Variants in PABPN1L observed in about 807,000 individuals in gnomAD.
PABPN1L encodes the protein embryonic polyadenylate-binding protein 2.
PABPN1L carries 45 observed loss-of-function variants against 34.0 expected under a neutral mutation model. The observed-to-expected ratio is 1.32, with a 90% CI of 1.04 to 1.70. The LOEUF is 1.70. Ranked by LOEUF, PABPN1L falls within the 40% of genes most tolerant of loss-of-function variation. The pLI is 0.00. For missense variants in PABPN1L, 459 were observed against 367.8 expected (o/e 1.25, Z -2.03); for synonymous variants, 182 against 152.1 (o/e 1.20, Z -1.45).
chr16:88,866,145 T>G (rs1968586872), intron 1 of PABPN1L, among the ~76,000 whole-genome samples: 1 of 152,180 alleles, frequency 6.6e-6, no homozygotes, highest in Non-Finnish European at 1.5e-5. Context: ...TCAAGGGCCC[T>G]TCCCCAGGCG....
upstream of PABPN1L, among the ~76,000 whole-genome samples, chr16:88,867,034 G>A (rs1968619477): frequency 6.6e-6 from 1 of 152,204 alleles, no homozygotes; most frequent in African/African-American, 2.4e-5. Flanking sequence ...GCAGGCTGGA[G>A]AGGTGGCTTC....
chr16:88,867,508 G>T (rs1042182588), upstream of PABPN1L, among the ~76,000 whole-genome samples: 17 of 152,330 alleles, frequency 1.1e-4, no homozygotes, highest in Non-Finnish European at 2.4e-4. Flanking sequence ...TGGGATTACA[G>T]GCGTGAGCAC....
exon 1 of PABPN1L, chr16:88,866,524 T>C (rs1968602275): frequency 1.3e-6 from 2 of 1,551,104 alleles, no homozygotes; most frequent in South Asian, 2.4e-5. Context: ...CCCCCAGCCC[T>C]GGGCCTCAGG....
chr16:88,867,609 C>T (rs1025001179), upstream of PABPN1L, among the ~76,000 whole-genome samples: 5 of 151,332 alleles, frequency 3.3e-5, no homozygotes, highest in Admixed American at 2.6e-4. Flanking sequence ...TGGGGAGTGA[C>T]GGCGTGAGTT....
At position 88,864,144 on chromosome 16, in the gene PABPN1L, C is replaced by G. The variant is rs1968520966; in HGVS notation, c.797+93G>C. 4.2e-6 allele frequency: 6 copies of G among 1,427,764 alleles called. No individual in the cohort carries two copies. The South Asian group carries it at 8.3e-5, about 20-fold the overall frequency. The allele number at this position is 1,427,764 out of a possible 1,614,324, so 88.4% of individuals were successfully genotyped here. On this transcript the variant is annotated intron_variant, in intron 6 of 6. Coordinates refer to ENST00000419291, the Ensembl canonical transcript of PABPN1L. ...GCCCCGCCAGGTACATTCCTGCAGCCCCATGAGGAACGAGCTCAGGGACCC... is the reference window on the plus strand; with the variant it reads ...GCCCCGCCAGGTACATTCCTGCAGCGCCATGAGGAACGAGCTCAGGGACCC...
At chr16:88,868,692 A>G (rs1968645877), upstream of PABPN1L, among the ~76,000 whole-genome samples, 1 of 151,874 alleles carries the variant, frequency 6.6e-6, no homozygotes, top group Admixed American at 6.6e-5. Flanking sequence ...ACAGGAAGGA[A>G]AGAAAAGGGA....
rs373849898 is a variant in PABPN1L at position 88,865,875 on chromosome 16, C to T, written c.322G>A (p.Gly108Arg). 5 of 1,609,946 alleles carry T rather than the reference C, an allele frequency of 3.1e-6. No homozygotes were observed. The highest frequency in any genetic ancestry group is 3.4e-6 in the Non-Finnish European group (4 of 1,179,396). ...TCTTCCTCGGCCTGTTGCTGCACTCCTGGAGGCCGTGGCGTCCCCTCGGCC... is the reference window on the plus strand; with the variant it reads ...TCTTCCTCGGCCTGTTGCTGCACTCTTGGAGGCCGTGGCGTCCCCTCGGCC... Residue 108 changes from glycine (G) to arginine (R), a missense_variant, in exon 2 of 7, where the codon GGA becomes AGA. Transcript: ENST00000419291.
intron 3 of PABPN1L, 40 bp downstream of exon 3, chr16:88,865,523 C>G (rs531895740): frequency 3.1e-6 from 5 of 1,591,196 alleles, no homozygotes; most frequent in Non-Finnish European, 4.3e-6. Flanking sequence ...GAGATGGGGC[C>G]CCATTCGCTG....
chr16:88,869,867 G>A (rs577894662), upstream of PABPN1L, among the ~76,000 whole-genome samples: 804 of 152,336 alleles, frequency 5.3e-3, 5 homozygotes, highest in Middle Eastern at 0.024. Context: ...AGACGGCTCC[G>A]ACCCTGGCCT....
chr16:88,869,057 C>A (rs2143021402), upstream of PABPN1L, among the ~76,000 whole-genome samples: 1 of 152,158 alleles, frequency 6.6e-6, no homozygotes, highest in East Asian at 1.9e-4. Context: ...GCACAGGCTT[C>A]TTCATCTTCG....
chr16:88,867,650 C>T (rs563429017), upstream of PABPN1L, among the ~76,000 whole-genome samples: 50 of 152,092 alleles, frequency 3.3e-4, no homozygotes, highest in African/African-American at 1.0e-3. Context: ...TGGGGAGTGA[C>T]GGCGTGAGTT....
chr16:88,865,504 C>A lies in PABPN1L; in HGVS notation c.459+59G>T, dbSNP rs1334287367. 3.2e-6 allele frequency: 5 copies of A among 1,571,926 alleles called. No individual in the cohort carries two copies. The African/African-American group carries it at 5.4e-5, about 17-fold the overall frequency. ...CCTGGCCCATGGCCGGGCGCCAGACCCTCTGGTAGAGATGGGGCCCCATTC... is the reference window on the plus strand; with the variant it reads ...CCTGGCCCATGGCCGGGCGCCAGACACTCTGGTAGAGATGGGGCCCCATTC... On this transcript the variant is annotated intron_variant, in intron 3 of 6. Coordinates refer to ENST00000419291, the Ensembl canonical transcript of PABPN1L.
At position 88,865,914 on chromosome 16, in the gene PABPN1L, A is replaced by C. The variant is rs374896419; in HGVS notation, c.283T>G (p.Cys95Gly). The C allele has an allele frequency of 3.9e-5, 62 of 1,608,468 alleles. 1 individual carries two copies. The South Asian group carries it at 6.7e-4, about 17-fold the overall frequency. The change falls in exon 2 of 7, where the codon TGT (cysteine) becomes GGT (glycine). Residue 95 changes from cysteine to glycine, a missense_variant. By Grantham distance (159) the Cys-to-Gly change is radical (BLOSUM62 -3). Transcript: ENST00000419291. ...GTCCCCTCGGCCTGCTCCATGGCAC[A>C]CACCTTCATCTTGATGGCCTCCAGC...
intron 5 of PABPN1L, 85 bp from the exon 6 acceptor site, chr16:88,864,464 C>A: frequency 6.8e-7 from 1 of 1,463,096 alleles, no homozygotes; most frequent in South Asian, 1.4e-5. Flanking sequence ...CACCCCGGAG[C>A]ATGGGGTCCT....
chr16:88,863,933 G>A (rs2143019256), intron 6 of PABPN1L, 138 bp from the exon 7 acceptor site: 1 of 946,270 alleles, frequency 1.1e-6, no homozygotes, highest in East Asian at 2.6e-5. Flanking sequence ...CCTTTCTGGT[G>A]ACTCCCAGCT....
exon 3 of PABPN1L, chr16:88,865,572 G>A (rs754052600): frequency 5.6e-6 from 9 of 1,611,612 alleles, no homozygotes; most frequent in South Asian, 4.4e-5. Flanking sequence ...CGTTGCCCAC[G>A]TAGACGGATC....
exon 7 of PABPN1L, chr16:88,863,748 T>TC (rs1250823106): frequency 6.5e-7 from 1 of 1,535,976 alleles, no homozygotes; most frequent in Middle Eastern, 1.7e-4. Flanking sequence ...CAAAATCGGG[T>TC]CTTCCCTTTA....
At chr16:88,867,874 C>A (rs912325216), upstream of PABPN1L, among the ~76,000 whole-genome samples, 6 of 152,212 alleles carry the variant, frequency 3.9e-5, no homozygotes, top group African/African-American at 1.4e-4. Context: ...ATGGCTCTTA[C>A]CCCTGCCATT....
Position 88,866,373 on chromosome 16 carries a change from A to C in PABPN1L, c.234T>G (p.Ala78=), listed in dbSNP as rs377509462. ...TTACCTGGTCAGGCAATGGGCACTC[A>C]GCCAGGTTCTCTTGCTCCAGCAGAG... The change falls in exon 1 of 7, where the codon GCT becomes GCG. Residue 78 remains alanine (A), a synonymous_variant. Transcript: ENST00000419291. 7 of 1,550,472 alleles carry C rather than the reference A, an allele frequency of 4.5e-6. No individual in the cohort carries two copies. In the African/African-American group the frequency reaches 8.2e-5, roughly 18 times the overall value.
Sources: gnomAD v4.1 joint callset for allele counts (sites outside exome capture counted in the v4.1 genomes callset) on GRCh38, gnomAD v4.1.1 for gene constraint, MANE v1.5 for transcripts, NCBI Gene and HGNC (gene_info 2026-07-23, HGNC 2026-07-21) for gene names.